Variants in MSI2 observed in about 807,000 individuals in gnomAD.
MSI2 encodes musashi RNA binding protein 2.
MSI2 carries 17 observed loss-of-function variants against 45.6 expected under a neutral mutation model. The ratio of observed to expected loss-of-function variants is 0.37; its 90% CI spans 0.26 to 0.56. The LOEUF (loss-of-function observed/expected upper bound fraction) is 0.56, where lower values mean the gene tolerates loss of function less well. Ranked by LOEUF, MSI2 falls within the 20% of genes least tolerant of loss-of-function variation. The pLI, the probability that MSI2 is intolerant of heterozygous loss-of-function variation, is 0.77. For missense variants in MSI2, 293 were observed against 444.2 expected (o/e 0.66, Z 3.06); for synonymous variants, 156 against 158.2 (o/e 0.99, Z 0.11).
At chr17:57,508,318 C>T (rs2086281114) in intron 6 of MSI2, among the ~76,000 whole-genome samples, 2 of 152,184 alleles carry the variant, frequency 1.3e-5, no homozygotes, top group Admixed American at 1.3e-4. Context: ...ACTTCCCGGA[C>T]CTCCAGCCCC....
intron 5 of MSI2, among the ~76,000 whole-genome samples, chr17:57,297,941 C>T (rs1034069322): frequency 2.6e-5 from 4 of 152,194 alleles, no homozygotes; most frequent in Non-Finnish European, 4.4e-5. Context: ...CTTGCTCTTT[C>T]CACCACATCT....
At chr17:57,366,035 T>G (rs1917165146) in intron 5 of MSI2, among the ~76,000 whole-genome samples, 1 of 152,014 alleles carries the variant, frequency 6.6e-6, no homozygotes, top group Admixed American at 6.6e-5. Context: ...CACCTCAACC[T>G]CCCGAATAGC....
intron 6 of MSI2, among the ~76,000 whole-genome samples, chr17:57,438,494 A>C (rs898803427): frequency 6.6e-6 from 1 of 152,140 alleles, no homozygotes; most frequent in Non-Finnish European, 1.5e-5. Context: ...AGCAGAAAGC[A>C]GACTTTCTGG....
chr17:57,575,378 C>T (rs1362506), intron 7 of MSI2, among the ~76,000 whole-genome samples: 91,376 of 151,920 alleles, frequency 0.6, 28,581 homozygotes, highest in African/African-American at 0.78. Context: ...TAGGTGGCGG[C>T]TCAATGGGAG....
intron 6 of MSI2, among the ~76,000 whole-genome samples, chr17:57,453,376 A>G (rs1006763444): frequency 6.6e-6 from 1 of 152,182 alleles, no homozygotes; most frequent in Non-Finnish European, 1.5e-5. Flanking sequence ...ATCTTGTGAC[A>G]GTGACTGAGG....
rs559624828 is a variant in MSI2 at position 57,681,009 on chromosome 17, T to C, written c.*1492T>C. 5.5e-6 allele frequency: 1 copy of C among 182,664 alleles called. No individual in the cohort carries two copies. The highest frequency in any genetic ancestry group is 2.4e-5 in the African/African-American group (1 of 42,340). 11.3% of individuals were successfully genotyped at this position (182,664 alleles called of 1,614,324 possible). A position where few individuals can be genotyped will look rare whatever the true frequency, so the allele number is the denominator to read the frequency against. On this transcript the variant is annotated 3_prime_UTR_variant, in exon 14 of 14. Transcript: ENST00000284073. Reference sequence around the variant, plus strand: ...AAGCAACCTTTTGGTTTATATATATTTTTTTTAATACCTCAGTGCTGCAAG... The same window carrying C: ...AAGCAACCTTTTGGTTTATATATATCTTTTTTAATACCTCAGTGCTGCAAG...
intron 7 of MSI2, among the ~76,000 whole-genome samples, chr17:57,592,163 C>T (rs903220237): frequency 1.3e-5 from 2 of 149,030 alleles, no homozygotes; most frequent in African/African-American, 5.0e-5. Context: ...CAGAGCGAGA[C>T]TCTGTCTCCA....
intron 6 of MSI2, among the ~76,000 whole-genome samples, chr17:57,495,814 T>C (rs924588679): frequency 6.6e-5 from 10 of 152,254 alleles, no homozygotes; most frequent in Admixed American, 5.2e-4. Flanking sequence ...TTAATGCTTT[T>C]ATATTTGAAG....
chr17:57,454,250 A>G (rs1416650893), intron 6 of MSI2, among the ~76,000 whole-genome samples: 1 of 152,170 alleles, frequency 6.6e-6, no homozygotes, highest in African/African-American at 2.4e-5. Context: ...AACTGTGGAT[A>G]GTGAGAGGCC....
chr17:57,497,271 C>T (rs1048209348), intron 6 of MSI2, among the ~76,000 whole-genome samples: 3 of 152,214 alleles, frequency 2.0e-5, no homozygotes, highest in Non-Finnish European at 4.4e-5. Context: ...GCCACTGCAC[C>T]CAGCCTATTG....
chr17:57,445,023 A>C (rs12945949), intron 6 of MSI2, among the ~76,000 whole-genome samples: 19,041 of 152,142 alleles, frequency 0.13, 1,317 homozygotes, highest in African/African-American at 0.15. Flanking sequence ...GAGTGTTAGC[A>C]TAGGAAGAGT....
At chr17:57,483,474 G>A (rs1567850790) in intron 6 of MSI2, among the ~76,000 whole-genome samples, 1 of 152,132 alleles carries the variant, frequency 6.6e-6, no homozygotes, top group Non-Finnish European at 1.5e-5. Flanking sequence ...TTTCTAATAC[G>A]TTTTCGAGTG....
chr17:57,699,370 C>A, the MSI2 span, among the ~76,000 whole-genome samples: 4 of 150,756 alleles, frequency 2.7e-5, no homozygotes, highest in Non-Finnish European at 5.9e-5. Context: ...TGAGAGTGGC[C>A]CAATCAGAAT....
At chr17:57,422,565 G>A (rs2084415561) in intron 6 of MSI2, among the ~76,000 whole-genome samples, 1 of 152,210 alleles carries the variant, frequency 6.6e-6, no homozygotes, top group Non-Finnish European at 1.5e-5. Context: ...GAAAGTACAT[G>A]CCCAATGGCA....
chr17:57,469,296 C>G (rs2085389250), intron 6 of MSI2, among the ~76,000 whole-genome samples: 1 of 152,226 alleles, frequency 6.6e-6, no homozygotes, highest in Non-Finnish European at 1.5e-5. Context: ...TTAAACTAAA[C>G]AAGAAAACCA....
At position 57,680,946 on chromosome 17, in the gene MSI2, C is replaced by T. The variant is rs913160684; in HGVS notation, c.*1429C>T. ...AGGAGTGGATAAGCCTGCATTAATACAACCTTTCTCCATTCACTTTCTATT... is the reference window on the plus strand; with the variant it reads ...AGGAGTGGATAAGCCTGCATTAATATAACCTTTCTCCATTCACTTTCTATT... On this transcript the variant is annotated 3_prime_UTR_variant, in exon 14 of 14. Coordinates refer to ENST00000284073, the MANE Select transcript of MSI2 (RefSeq NM_138962.4). The T allele has an allele frequency of 5.1e-6, 1 of 195,576 alleles. No individual in the cohort carries two copies. The highest frequency in any genetic ancestry group is 2.3e-5 in the African/African-American group (1 of 43,216). The allele number at this position is 195,576 out of a possible 1,614,324, so 12.1% of individuals were successfully genotyped here.
intron 7 of MSI2, among the ~76,000 whole-genome samples, chr17:57,559,642 GACCAGCTGTGCTGACGACAGCCTGCC>G (rs1271499754): frequency 1.3e-5 from 2 of 152,246 alleles, no homozygotes; most frequent in Non-Finnish European, 2.9e-5. Flanking sequence ...GACTGTGTGG[GACCAGCTGTGCTGACGACAGCCTGCC>G]ACCCAAGGGA....
At chr17:57,527,224 A>C (rs11079308) in intron 6 of MSI2, among the ~76,000 whole-genome samples, 22,084 of 151,426 alleles carry the variant, frequency 0.15, 1,672 homozygotes, top group Middle Eastern at 0.2. Flanking sequence ...TGCAAAACAG[A>C]TGTCACATTT....
intron 6 of MSI2, chr17:57,450,261 A>AAGAAAGAAAGAAAGAGAGAAAGAG: frequency 8.6e-5 from 2 of 23,322 alleles, no homozygotes; most frequent in African/African-American, 1.6e-4. Context: ...AGCTTAAAGA[A>AAGAAAGAAAGAAAGAGAGAAAGAG]AGAAAGAAAG....
Sources: gnomAD v4.1 joint callset for allele counts (sites outside exome capture counted in the v4.1 genomes callset) on GRCh38, gnomAD v4.1.1 for gene constraint, MANE v1.5 for transcripts, NCBI Gene and HGNC (gene_info 2026-07-23, HGNC 2026-07-21) for gene names.